Variants in PRKG1 observed in about 807,000 individuals in gnomAD.
PRKG1 encodes cGMP-dependent protein kinase 1.
A neutral mutation model predicts 88.1 loss-of-function variants in PRKG1; 35 were observed. The observed-to-expected ratio is 0.40, with a 90% CI of 0.30 to 0.53. The LOEUF is 0.53. Ranked by LOEUF, PRKG1 falls within the 20% of genes least tolerant of loss-of-function variation. The probability of loss-of-function intolerance (pLI) is 0.59; values close to 1 mark genes in which losing one functional copy is unlikely to be tolerated. For synonymous variants in PRKG1, 303 were observed against 292.5 expected, an observed-to-expected ratio of 1.04 and a Z score of -0.37; for missense variants, 540 against 839.8, an observed-to-expected ratio of 0.64 and a Z score of 4.41.
rs1837632184 is a variant in PRKG1, at chr10:51,398,197, T to C, written c.479-69526T>C. ...GGTTTCATGGAAGATAGTTTTTCCA[T>C]GGGACAGGGTTGGGTGGGGGGATGG... On this transcript the variant is annotated intron_variant, in intron 2 of 17. Transcript: ENST00000373980. Among the ~76,000 whole-genome samples, 4 of 152,174 alleles carry C rather than the reference T, an allele frequency of 2.6e-5. No individual in the cohort carries two copies. In the South Asian group the frequency reaches 6.2e-4, roughly 24 times the overall value.
intron 4 of PRKG1, among the ~76,000 whole-genome samples, chr10:51,874,783 G>T (rs1055495249): frequency 1.3e-5 from 2 of 152,114 alleles, no homozygotes; most frequent in African/African-American, 2.4e-5. Flanking sequence ...TCACTTACCA[G>T]CTGTTTGGGA....
intron 1 of PRKG1, among the ~76,000 whole-genome samples, chr10:51,138,974 G>A (rs1181351584): frequency 2.0e-5 from 3 of 151,976 alleles, no homozygotes; most frequent in Non-Finnish European, 2.9e-5. Flanking sequence ...GAGCCACTCC[G>A]CCCGGCCACA....
intron 2 of PRKG1, among the ~76,000 whole-genome samples, chr10:51,312,695 G>T (rs1191054200): frequency 6.6e-6 from 1 of 152,004 alleles, no homozygotes; most frequent in Non-Finnish European, 1.5e-5. Flanking sequence ...GTGTGTGTGT[G>T]TGTGTGTATT....
At chr10:52,046,626 A>G (rs1845869695) in intron 5 of PRKG1, 1 of 152,144 alleles carries the variant, frequency 6.6e-6, no homozygotes, top group South Asian at 2.1e-4. Context: ...GGCATAGGGA[A>G]GTTAAGTGAC....
chr10:51,336,513 A>G (rs1041228143), intron 2 of PRKG1, among the ~76,000 whole-genome samples: 1 of 152,174 alleles, frequency 6.6e-6, no homozygotes, highest in Non-Finnish European at 1.5e-5. Context: ...CTTATGGCAC[A>G]CACTGCTAAT....
chr10:51,659,503 G>T (rs1840242191), intron 3 of PRKG1, among the ~76,000 whole-genome samples: 1 of 152,060 alleles, frequency 6.6e-6, no homozygotes, highest in Admixed American at 6.6e-5. Context: ...AAAATCAAGG[G>T]TTATGATGAT....
chr10:51,328,978 T>C (rs1841662182), intron 2 of PRKG1, among the ~76,000 whole-genome samples: 1 of 152,184 alleles, frequency 6.6e-6, no homozygotes, highest in Admixed American at 6.5e-5. Flanking sequence ...TTCTTACATA[T>C]TTTAGGCATA....
chr10:52,143,950 A>G (rs919435936), intron 8 of PRKG1, among the ~76,000 whole-genome samples: 2 of 152,204 alleles, frequency 1.3e-5, no homozygotes, highest in African/African-American at 4.8e-5. Flanking sequence ...TGGTCCAAAC[A>G]GATGCATTCA....
At chr10:51,570,646 T>A (rs1837728680) in intron 3 of PRKG1, among the ~76,000 whole-genome samples, 2 of 151,998 alleles carry the variant, frequency 1.3e-5, no homozygotes. Flanking sequence ...AAACCATTGT[T>A]ATTTTGACCT....
intron 3 of PRKG1, among the ~76,000 whole-genome samples, chr10:51,585,565 T>C (rs1347607643): frequency 6.6e-6 from 1 of 152,156 alleles, no homozygotes; most frequent in Non-Finnish European, 1.5e-5. Flanking sequence ...CCAGGAGCTT[T>C]CTCAATGAAC....
At chr10:51,922,578 A>G (rs926253552) in intron 5 of PRKG1, among the ~76,000 whole-genome samples, 4 of 151,770 alleles carry the variant, frequency 2.6e-5, no homozygotes, top group Non-Finnish European at 4.4e-5. Flanking sequence ...ACATTCCAGG[A>G]ATTTTGGTAA....
intron 2 of PRKG1, among the ~76,000 whole-genome samples, chr10:51,297,980 A>T (rs1240284561): frequency 6.6e-6 from 1 of 152,112 alleles, no homozygotes; most frequent in Non-Finnish European, 1.5e-5. Flanking sequence ...TATTTATATA[A>T]AGAGATGTAT....
chr10:51,781,412 A>T (rs1838585463), intron 3 of PRKG1, among the ~76,000 whole-genome samples: 2 of 152,128 alleles, frequency 1.3e-5, no homozygotes, highest in African/African-American at 4.8e-5. Flanking sequence ...AAATTATAGC[A>T]AGTGCAGTTT....
chr10:51,174,865 G>A (rs1243608555), intron 2 of PRKG1, among the ~76,000 whole-genome samples: 1 of 151,998 alleles, frequency 6.6e-6, no homozygotes, highest in Non-Finnish European at 1.5e-5. Context: ...AGTTGCAACT[G>A]ACTCAGAAGC....
chr10:51,660,967 T>C (rs1840283627), intron 3 of PRKG1, among the ~76,000 whole-genome samples: 1 of 152,116 alleles, frequency 6.6e-6, no homozygotes, highest in Non-Finnish European at 1.5e-5. Flanking sequence ...ATGTTTTAAA[T>C]TGGAACATAA....
intron 9 of PRKG1, among the ~76,000 whole-genome samples, chr10:52,166,808 T>TATATATATATAC: frequency 1.6e-3 from 2 of 1,242 alleles, no homozygotes; most frequent in African/African-American, 1.9e-3. Context: ...CATATATATA[T>TATATATATATAC]GTATATATAT....
chr10:51,540,505 T>C (rs185131310), intron 3 of PRKG1, among the ~76,000 whole-genome samples: 2 of 152,262 alleles, frequency 1.3e-5, no homozygotes, highest in South Asian at 2.1e-4. Context: ...AATTGCTTAT[T>C]TGTTTCAATA....
chr10:51,104,220 GA>G (rs1000462899), intron 1 of PRKG1, among the ~76,000 whole-genome samples: 4 of 151,886 alleles, frequency 2.6e-5, no homozygotes, highest in East Asian at 1.9e-4. Flanking sequence ...ATAGGAGACA[GA>G]AAAAAAAATC....
chr10:51,247,492 A>T (rs1037516332), intron 2 of PRKG1, among the ~76,000 whole-genome samples: 4 of 152,030 alleles, frequency 2.6e-5, no homozygotes, highest in South Asian at 2.1e-4. Flanking sequence ...ATTACTTTCC[A>T]TGAGATATTA....
Sources: allele counts gnomAD v4.1 joint callset (sites outside exome capture counted in the v4.1 genomes callset), GRCh38; gene constraint gnomAD v4.1.1; transcripts MANE v1.5; gene names NCBI Gene and HGNC (gene_info 2026-07-23, HGNC 2026-07-21).